ANKLE2: variants seen among roughly 807,000 people sequenced by gnomAD.
The protein encoded by ANKLE2 is ankyrin repeat and LEM domain-containing protein 2.
ANKLE2 carries 55 observed loss-of-function variants against 84.2 expected under a neutral mutation model. The observed-to-expected ratio is 0.65, with a 90% CI of 0.53 to 0.82. The LOEUF (loss-of-function observed/expected upper bound fraction) is 0.82. Ranked by LOEUF, ANKLE2 falls within the 40% of genes least tolerant of loss-of-function variation. The pLI is 0.00. For missense variants in ANKLE2, 1,238 were observed against 1,201.9 expected, an observed-to-expected ratio of 1.03 and a Z score of -0.44; for synonymous variants, 551 against 486.1, an observed-to-expected ratio of 1.13 and a Z score of -1.76.
rs2136197118 is a variant in ANKLE2, at chr12:132,761,635, G to A, written c.164C>T (p.Ala55Val). ...SGTPVPPPSA[A>V]AAPASGEMTM... ...GGCCTTACCTGAGGCGGGGGCGGCGGCCGCGCTTGGCGGAGGAACTGGGGT... is the reference window on the plus strand; with the variant it reads ...GGCCTTACCTGAGGCGGGGGCGGCGACCGCGCTTGGCGGAGGAACTGGGGT... Residue 55 changes from alanine to valine, a missense_variant, in exon 1 of 13, where the codon GCC becomes GTC. Ala to Val is a moderately conservative substitution (Grantham distance 64, BLOSUM62 0). Coordinates refer to ENST00000357997, the MANE Select transcript of ANKLE2 (RefSeq NM_015114.3). The A allele has an allele frequency of 7.1e-6, 9 of 1,261,406 alleles. No individual in the cohort carries two copies. The South Asian group carries it at 1.1e-4, about 15-fold the overall frequency. The allele number at this position is 1,261,406 out of a possible 1,614,324, so 78.1% of individuals were successfully genotyped here.
chr12:132,731,807 T>C (rs1312125808), intron 10 of ANKLE2: 1 of 152,272 alleles, frequency 6.6e-6, no homozygotes, highest in African/African-American at 2.4e-5. Context: ...TATGAATCAC[T>C]TTTAGATTTT....
In ANKLE2 at chr12:132,734,458, C is replaced by T; in HGVS notation, c.1818G>A (p.Gln606=). The T allele has an allele frequency of 6.2e-7, 1 of 1,614,088 alleles. No individual in the cohort carries two copies. Among genetic ancestry groups the T allele is most frequent in the Admixed American group, 1.7e-5 (1 of 59,988 alleles). Residue 606 remains glutamine, a synonymous_variant, in exon 10 of 13, where the codon CAG becomes CAA. Transcript: ENST00000357997. The stretch of plus-strand genomic sequence containing the variant: ...CTTGTTGAGCCTTTTTGCCTATTTC[C>T]TGCTGTGTGAGATATTCTTCTAGTC... ...LQRLEEYLTQ[Q]EIGKKAQQET... is the part of the protein sequence containing the mutation.
intron 9 of ANKLE2, 147 bp downstream of exon 9, chr12:132,735,259 A>G (rs1043987046): frequency 4.1e-6 from 3 of 730,932 alleles, no homozygotes; most frequent in Non-Finnish European, 4.7e-6. Flanking sequence ...AACATCCACA[A>G]GGAATTAGAC....
chr12:132,755,526 C>G (rs1404975888), intron 1 of ANKLE2: 1 of 147,838 alleles, frequency 6.8e-6, no homozygotes, highest in East Asian at 2.0e-4. Context: ...GCTTAGACAA[C>G]AAGAGCGAAA....
intron 7 of ANKLE2, among the ~76,000 whole-genome samples, chr12:132,739,898 A>T (rs886096851): frequency 8.5e-5 from 13 of 152,294 alleles, no homozygotes; most frequent in African/African-American, 3.1e-4. Flanking sequence ...CGTGTAGCTC[A>T]GCCCACAGGA....
intron 12 of ANKLE2, 117 bp downstream of exon 12, chr12:132,727,915 G>T: frequency 7.2e-7 from 1 of 1,386,276 alleles, no homozygotes; most frequent in Non-Finnish European, 9.7e-7. Flanking sequence ...CAGCCTGGCT[G>T]ACGGGCCTGC....
At chr12:132,749,212 G>A (rs1385887963) in intron 3 of ANKLE2, among the ~76,000 whole-genome samples, 2 of 152,178 alleles carry the variant, frequency 1.3e-5, no homozygotes, top group East Asian at 3.8e-4. Context: ...CTGGAGTGCA[G>A]TGGCGCGATC....
intron 1 of ANKLE2, chr12:132,759,094 G>GTAT (rs1275352234): frequency 8.2e-6 from 1 of 122,490 alleles, no homozygotes; most frequent in African/African-American, 3.5e-5. Flanking sequence ...GCACCCCGGG[G>GTAT]CACCCACGTG....
rs760930475 is a variant in ANKLE2 at position 132,741,478 on chromosome 12, C to T, written c.1361G>A (p.Cys454Tyr). 1 of 1,614,108 alleles carries T rather than the reference C, an allele frequency of 6.2e-7. No individual in the cohort carries two copies. Among genetic ancestry groups the T allele is most frequent in the South Asian group, 1.1e-5 (1 of 91,086 alleles). Residue 454 changes from cysteine to tyrosine, a missense_variant, in exon 7 of 13, where the codon TGT becomes TAT. This residue lies in a region of ANKLE2 where 802 missense variants were observed against 774.5 expected (regional missense o/e 1.04). Transcript: ENST00000357997. The stretch of plus-strand genomic sequence containing the variant: ...CACAGATTTATTTTTGCTTCTTTCA[C>T]AAATTACCTATTGGAAAAAAAAGTG... Reference protein sequence around the residue: ...KYDKTPEDVICERSKNKSVEL... With the variant: ...KYDKTPEDVIYERSKNKSVEL...
chr12:132,736,224 T>G (rs2044005894), intron 8 of ANKLE2, among the ~76,000 whole-genome samples: 1 of 152,218 alleles, frequency 6.6e-6, no homozygotes, highest in South Asian at 2.1e-4. Context: ...TGCTGGGATT[T>G]CAGGCATGCG....
rs895109607 is a variant in ANKLE2 at position 132,747,699 on chromosome 12, G to A, written c.1230+133C>T. On this transcript the variant is annotated intron_variant, in intron 5 of 12. Coordinates refer to ENST00000357997, the MANE Select transcript of ANKLE2 (RefSeq NM_015114.3). Reference sequence around the variant, plus strand: ...GTGGGATGTGGTAAGAAGGCAGGTTGCAGGGGTGTAATTGATGTATCTTTT... The same window carrying A: ...GTGGGATGTGGTAAGAAGGCAGGTTACAGGGGTGTAATTGATGTATCTTTT... 7.1e-6 allele frequency: 8 copies of A among 1,134,490 alleles called. No individual in the cohort carries two copies. The Admixed American group carries it at 9.6e-5, about 14-fold the overall frequency. The allele number at this position is 1,134,490 out of a possible 1,614,324, so 70.3% of individuals were successfully genotyped here. A position where few individuals can be genotyped will look rare whatever the true frequency, so the allele number is the denominator to read the frequency against.
chr12:132,741,552 T>C, intron 6 of ANKLE2, 67 bp from the exon 7 acceptor site: 1 of 1,471,692 alleles, frequency 6.8e-7, no homozygotes, highest in Non-Finnish European at 9.5e-7. Flanking sequence ...TACAATGATT[T>C]CAGAAAAATA....
At chr12:132,732,795 T>C (rs1308191293) in intron 10 of ANKLE2, among the ~76,000 whole-genome samples, 2 of 113,798 alleles carry the variant, frequency 1.8e-5, no homozygotes, top group South Asian at 5.8e-4. Flanking sequence ...CGTGTGAAGC[T>C]CTCTGCGTCC....
intron 5 of ANKLE2, among the ~76,000 whole-genome samples, chr12:132,747,101 C>A (rs966951555): frequency 7.2e-5 from 11 of 152,228 alleles, no homozygotes; most frequent in African/African-American, 2.7e-4. Context: ...GATGAAATGA[C>A]CCCACAGGTC....
intron 2 of ANKLE2, among the ~76,000 whole-genome samples, chr12:132,751,572 T>G (rs1258755665): frequency 2.0e-5 from 3 of 148,132 alleles, no homozygotes; most frequent in Non-Finnish European, 4.4e-5. Flanking sequence ...ACATGGAGTC[T>G]CACTCAGCTG....
chr12:132,735,854 CAGG>C (rs919042518), intron 8 of ANKLE2, among the ~76,000 whole-genome samples: 13 of 152,234 alleles, frequency 8.5e-5, no homozygotes, highest in African/African-American at 2.9e-4. Flanking sequence ...GCTCCCATCG[CAGG>C]AGAAGAAACC....
rs1457474928 is a variant in ANKLE2, at chr12:132,725,828, G to A, written c.*1414C>T. The A allele has an allele frequency of 6.6e-6, 1 of 152,220 alleles. No homozygotes were observed. The highest frequency in any genetic ancestry group is 1.5e-5 in the Non-Finnish European group (1 of 68,032). 9.4% of individuals were successfully genotyped at this position (152,220 alleles called of 1,614,324 possible). On this transcript the variant is annotated 3_prime_UTR_variant, in exon 13 of 13. Coordinates refer to ENST00000357997, the MANE Select transcript of ANKLE2 (RefSeq NM_015114.3). The stretch of plus-strand genomic sequence containing the variant: ...AATGCGGCTTTTTAGAATAGCATGT[G>A]TTGTTTCTGTCTGGGATCTAGATCT...
rs757033242 is a variant in ANKLE2, at chr12:132,729,988, T to C, written c.2174A>G (p.His725Arg). 11 of 1,613,284 alleles carry C rather than the reference T, an allele frequency of 6.8e-6. No homozygotes were observed. In the East Asian group the frequency reaches 2.0e-4, roughly 29 times the overall value. ...AGTCAAATCCGAGACAGGTGGCAGA[T>C]GGGCTTCCTCCCCACGGGGGGCCTT... ...RPKAPRGEEA[H>R]LPPVSDLTVE... Residue 725 changes from histidine to arginine, a missense_variant, in exon 11 of 13, where the codon CAT (histidine) becomes CGT (arginine). By Grantham distance (29) the His-to-Arg change is conservative (BLOSUM62 0). This residue lies in a region of ANKLE2 where 802 missense variants were observed against 774.5 expected (regional missense o/e 1.04). Coordinates refer to ENST00000357997, the MANE Select transcript of ANKLE2 (RefSeq NM_015114.3).
intron 7 of ANKLE2, among the ~76,000 whole-genome samples, chr12:132,740,739 CT>C (rs2044103087): frequency 6.6e-6 from 1 of 152,010 alleles, no homozygotes; most frequent in Non-Finnish European, 1.5e-5. Flanking sequence ...TTTCACATGC[CT>C]GGCACCTACA....
Sources: gnomAD v4.1 joint callset for allele counts (sites outside exome capture counted in the v4.1 genomes callset) on GRCh38, gnomAD v4.1.1 for gene constraint, gnomAD v4.1.1 regional missense constraint, MANE v1.5 for transcripts, NCBI Gene and HGNC (gene_info 2026-07-23, HGNC 2026-07-21) for gene names.